The following SYNPO variants were observed in gnomAD, a reference collection of about 807,000 sequenced individuals.
SYNPO encodes synaptopodin.
In SYNPO, 19 loss-of-function variants were observed where a neutral mutation model predicts 49.5. That is an observed-to-expected ratio of 0.38 (90% CI 0.27 to 0.56). SYNPO has a LOEUF of 0.56. SYNPO is among the 20% of genes least tolerant of loss of function. SYNPO has a pLI of 0.68. For missense variants in SYNPO, 1,131 were observed against 1,248.3 expected, an observed-to-expected ratio of 0.91 and a Z score of 1.42; for synonymous variants, 536 against 548.0, an observed-to-expected ratio of 0.98 and a Z score of 0.31.
In SYNPO at chr5:150,656,815, G is replaced by A. The variant is rs937749697; in HGVS notation, c.2440G>A (p.Ala814Thr). The change falls in exon 3 of 3, where the codon GCT (alanine) becomes ACT (threonine). Residue 814 changes from alanine to threonine, a missense_variant. Physicochemically the swap from Ala to Thr is moderately conservative, Grantham distance 58. This residue lies in a region of SYNPO where 509 missense variants were observed against 484.5 expected (regional missense o/e 1.05). Coordinates refer to ENST00000307662, the MANE Select transcript of SYNPO (RefSeq NM_007286.6). Reference protein sequence around the residue: ...SPQPARPGSAAVPGAAFAPIP... With the variant: ...SPQPARPGSATVPGAAFAPIP... The stretch of plus-strand genomic sequence containing the variant: ...ACAGCCCGCCCGCCCCGGCTCGGCT[G>A]CTGTGCCGGGGGCAGCCTTCGCGCC... 1.2e-5 allele frequency: 18 copies of A among 1,505,306 alleles called. No homozygotes were observed. Among genetic ancestry groups the A allele is most frequent in the Non-Finnish European group, 1.6e-5 (18 of 1,132,250 alleles). 93.2% of individuals were successfully genotyped at this position (1,505,306 alleles called of 1,614,324 possible).
chr5:150,655,568 A>C (rs1444390313), intron 2 of SYNPO, among the ~76,000 whole-genome samples: 1 of 152,274 alleles, frequency 6.6e-6, no homozygotes, highest in East Asian at 1.9e-4. Flanking sequence ...AGCAGCTCCC[A>C]GTGCCTCAGA....
chr5:150,596,304 G>A (rs1042150135), upstream of SYNPO, among the ~76,000 whole-genome samples: 18 of 152,110 alleles, frequency 1.2e-4, no homozygotes, highest in Admixed American at 2.6e-4. Context: ...TTCTGATCCC[G>A]CAAATCCAGC....
At position 150,649,317 on chromosome 5, in the gene SYNPO, G is replaced by T. The variant is rs762411716; in HGVS notation, c.1042G>T (p.Asp348Tyr). 7 of 1,614,120 alleles carry T rather than the reference G, an allele frequency of 4.3e-6. No individual in the cohort carries two copies. In the Admixed American group the frequency reaches 1.2e-4, roughly 27 times the overall value. ...ATATTCTGTCCTGTATCCCAGCTCC[G>T]ACCCCAAGTCTTCTCATCTGAAGGG... Reference protein sequence around the residue: ...PSYSVLYPSSDPKSSHLKGQA... With the variant: ...PSYSVLYPSSYPKSSHLKGQA... Residue 348 changes from aspartate (D) to tyrosine (Y), a missense_variant, in exon 2 of 3, where the codon GAC (aspartate) becomes TAC (tyrosine). Asp to Tyr is a radical substitution (Grantham distance 160, BLOSUM62 -3). Coordinates refer to ENST00000307662, the MANE Select transcript of SYNPO (RefSeq NM_007286.6).
chr5:150,621,151 C>A (rs1327224409), intron 2 of SYNPO, among the ~76,000 whole-genome samples: 1 of 151,974 alleles, frequency 6.6e-6, no homozygotes, highest in South Asian at 2.1e-4. Flanking sequence ...TGGGATTTCA[C>A]CATGTTGGCC....
rs774450966 is a variant in SYNPO at position 150,648,121 on chromosome 5, G to A, written c.-155G>A. ...ACCTTGGAGAGCCACGGCCAGAGGGGACAGAAGCCCAGCCAGGAGTCCCTC... is the reference window on the plus strand; with the variant it reads ...ACCTTGGAGAGCCACGGCCAGAGGGAACAGAAGCCCAGCCAGGAGTCCCTC... On this transcript the variant is annotated 5_prime_UTR_variant, in exon 2 of 3. Coordinates refer to ENST00000307662, the MANE Select transcript of SYNPO (RefSeq NM_007286.6). This position sits in a 1 kb window ranked among gnomAD's most constrained non-coding sequence, Gnocchi z 5.0. 2 of 1,552,074 alleles carry A rather than the reference G, an allele frequency of 1.3e-6. No homozygotes were observed. Among genetic ancestry groups the A allele is most frequent in the Non-Finnish European group, 8.7e-7 (1 of 1,147,122 alleles).
At chr5:150,626,308 G>A (rs1355274390) in intron 2 of SYNPO, among the ~76,000 whole-genome samples, 2 of 152,224 alleles carry the variant, frequency 1.3e-5, no homozygotes, top group Non-Finnish European at 2.9e-5. Context: ...TGTTTGCTGG[G>A]TGGGGCATCC....
intron 2 of SYNPO, among the ~76,000 whole-genome samples, chr5:150,624,198 C>G (rs1757270353): frequency 6.6e-6 from 1 of 152,246 alleles, no homozygotes; most frequent in Admixed American, 6.5e-5. Flanking sequence ...GGTCACCCTT[C>G]TCAGTGCCCA....
At chr5:150,596,475 C>T (rs115004431), upstream of SYNPO, among the ~76,000 whole-genome samples, 29 of 152,268 alleles carry the variant, frequency 1.9e-4, no homozygotes, top group South Asian at 2.1e-4. Flanking sequence ...AGGTACTTGG[C>T]GAGTTGACGG....
At position 150,657,435 on chromosome 5, in the gene SYNPO, C is replaced by CT; in HGVS notation, c.*348_*349insT. ...TCTCTTTCTCTCTCTCTCTCTCTCACACACACACACACACACACACACACA... is the reference window on the plus strand; with the variant it reads ...TCTCTTTCTCTCTCTCTCTCTCTCACTACACACACACACACACACACACACA... On this transcript the variant is annotated 3_prime_UTR_variant, in exon 3 of 3. Transcript: ENST00000307662. 4.5e-5 allele frequency: 1 copy of CT among 22,314 alleles called. No homozygotes were observed. The highest frequency in any genetic ancestry group is 8.8e-5 in the Non-Finnish European group (1 of 11,418). 1.4% of individuals were successfully genotyped at this position (22,314 alleles called of 1,614,324 possible). A position where few individuals can be genotyped will look rare whatever the true frequency, so the allele number is the denominator to read the frequency against.
chr5:150,608,179 G>A (rs529564277), intron 1 of SYNPO, among the ~76,000 whole-genome samples: 1 of 152,364 alleles, frequency 6.6e-6, no homozygotes, highest in South Asian at 2.1e-4. Context: ...GCTGGACTGA[G>A]GCCCCAAGCC....
upstream of SYNPO, among the ~76,000 whole-genome samples, chr5:150,637,985 G>A (rs1757774700): frequency 6.6e-6 from 1 of 152,062 alleles, no homozygotes; most frequent in Admixed American, 6.6e-5. Flanking sequence ...CTGTGGAACT[G>A]TGCCTAGCCC....
chr5:150,637,806 C>T (rs1757768945), upstream of SYNPO, among the ~76,000 whole-genome samples: 4 of 152,228 alleles, frequency 2.6e-5, no homozygotes, highest in South Asian at 6.2e-4. Context: ...AGCTGGGCTG[C>T]ACGGCGTCCT....
chr5:150,627,019 G>A (rs144246389), intron 2 of SYNPO, among the ~76,000 whole-genome samples: 1 of 152,302 alleles, frequency 6.6e-6, no homozygotes, highest in East Asian at 1.9e-4. Context: ...CAGGGCAGGA[G>A]TCAGCACACT....
intron 2 of SYNPO, among the ~76,000 whole-genome samples, chr5:150,620,946 T>TTTCTTTCTTTCTTTCTTTCTTTC (rs780412043): frequency 1.5e-5 from 1 of 65,824 alleles, no homozygotes; most frequent in Admixed American, 1.6e-4. Flanking sequence ...TCTTTCTTTC[T>TTTCTTTCTTTCTTTCTTTCTTTC]TTTCTTTTCT....
chr5:150,605,828 A>T (rs1439224142), intron 1 of SYNPO, among the ~76,000 whole-genome samples: 2 of 152,050 alleles, frequency 1.3e-5, no homozygotes, highest in Non-Finnish European at 2.9e-5. Context: ...AGACACACAC[A>T]TAAATATAGG....
chr5:150,656,407 C>A lies in SYNPO; in HGVS notation c.2032C>A (p.Arg678Ser). Residue 678 changes from arginine (R) to serine (S), a missense_variant, in exon 3 of 3, where the codon CGC (arginine) becomes AGC (serine). Arg to Ser is a moderately radical substitution (Grantham distance 110). Coordinates refer to ENST00000307662, the MANE Select transcript of SYNPO (RefSeq NM_007286.6). ...TRNAGIEAQD[R>S]RESLPTSPPW... ...ACCCTCTCTGCTCTCTCCCCAGGAC[C>A]GCCGGGAGAGCCTGCCCACCTCCCC... is the stretch of plus-strand genomic sequence containing the variant. The A allele has an allele frequency of 6.5e-7, 1 of 1,528,402 alleles. No individual in the cohort carries two copies. The highest frequency in any genetic ancestry group is 1.4e-5 in the African/African-American group (1 of 72,070). 94.7% of individuals were successfully genotyped at this position (1,528,402 alleles called of 1,614,324 possible). A position where few individuals can be genotyped will look rare whatever the true frequency, so the allele number is the denominator to read the frequency against.
intron 2 of SYNPO, among the ~76,000 whole-genome samples, chr5:150,634,484 T>C (rs1009791254): frequency 1.3e-5 from 2 of 152,136 alleles, no homozygotes; most frequent in African/African-American, 4.8e-5. Flanking sequence ...ATGGTAGGCA[T>C]TTCATATGGC....
At chr5:150,629,807 G>A (rs1757479518) in intron 2 of SYNPO, among the ~76,000 whole-genome samples, 1 of 152,196 alleles carries the variant, frequency 6.6e-6, no homozygotes, top group Non-Finnish European at 1.5e-5. Flanking sequence ...GCATTTTGCA[G>A]ATGGGAAACT....
upstream of SYNPO, among the ~76,000 whole-genome samples, chr5:150,639,488 G>A (rs750645452): frequency 6.6e-5 from 10 of 152,194 alleles, no homozygotes; most frequent in Non-Finnish European, 1.0e-4. Context: ...CTGGATGGGT[G>A]AGTAAGGAAG....
Sources: allele counts gnomAD v4.1 joint callset (sites outside exome capture counted in the v4.1 genomes callset), GRCh38; gene constraint gnomAD v4.1.1; regional missense constraint gnomAD v4.1.1; non-coding constraint Gnocchi (gnomAD v3.1); transcripts MANE v1.5; gene names NCBI Gene and HGNC (gene_info 2026-07-23, HGNC 2026-07-21).